SLC22A15: variants seen among roughly 807,000 people sequenced by gnomAD.
The protein encoded by SLC22A15 is solute carrier family 22 member 15, also known as flipt 1.
Under a neutral mutation model 62.7 loss-of-function variants are expected in SLC22A15, and 45 were observed. The observed-to-expected ratio is 0.72, with a 90% confidence interval of 0.56 to 0.92. SLC22A15 has a LOEUF of 0.92. Among genes scored for constraint, SLC22A15 ranks in the 40% least tolerant of loss-of-function variants. SLC22A15 has a pLI of 0.00. For synonymous variants in SLC22A15, 264 were observed against 267.0 expected, an observed-to-expected ratio of 0.99 and a Z score of 0.11; for missense variants, 622 against 665.6, an observed-to-expected ratio of 0.93 and a Z score of 0.72.
At chr1:116,029,143 A>C (rs573708045) in intron 5 of SLC22A15, among the ~76,000 whole-genome samples, 2 of 152,222 alleles carry the variant, frequency 1.3e-5, no homozygotes, top group Non-Finnish European at 2.9e-5. Context: ...ATGTTGGCAC[A>C]AAAACATTTG....
At chr1:116,012,339 C>T (rs959522590) in intron 2 of SLC22A15, among the ~76,000 whole-genome samples, 1 of 151,914 alleles carries the variant, frequency 6.6e-6, no homozygotes, top group African/African-American at 2.4e-5. Context: ...TTTGGTCTTC[C>T]TAATATTCAT....
At chr1:115,985,923 G>A (rs1234699142) in intron 1 of SLC22A15, among the ~76,000 whole-genome samples, 8 of 139,216 alleles carry the variant, frequency 5.7e-5, no homozygotes, top group African/African-American at 7.8e-5. Context: ...TCCAGCCTGC[G>A]TGACAGAGCG....
intron 1 of SLC22A15, among the ~76,000 whole-genome samples, chr1:115,990,544 C>T (rs939656806): frequency 2.0e-5 from 3 of 151,992 alleles, no homozygotes; most frequent in Non-Finnish European, 2.9e-5. Context: ...ACCTCCTATT[C>T]GAAAACTTCT....
chr1:116,026,775 T>C (rs549048111), intron 4 of SLC22A15, 118 bp from the exon 5 acceptor site: 4 of 1,220,400 alleles, frequency 3.3e-6, no homozygotes, highest in East Asian at 4.8e-5. Context: ...GTGCCTCTTA[T>C]AGTTGCCAGC....
At chr1:116,042,101 A>G (rs1357242493) in intron 8 of SLC22A15, among the ~76,000 whole-genome samples, 3 of 1,706 alleles carry the variant, frequency 1.8e-3, no homozygotes, top group African/African-American at 1.8e-3. Context: ...AACATTAACA[A>G]AAAAAAAAAA....
At chr1:116,060,643 C>T (rs1260630954) in intron 8 of SLC22A15, among the ~76,000 whole-genome samples, 1 of 152,186 alleles carries the variant, frequency 6.6e-6, no homozygotes, top group Non-Finnish European at 1.5e-5. Flanking sequence ...GGTTCAATGC[C>T]TCCCAATACC....
intron 8 of SLC22A15, among the ~76,000 whole-genome samples, chr1:116,058,896 A>T (rs1233274251): frequency 6.6e-6 from 1 of 152,204 alleles, no homozygotes; most frequent in Non-Finnish European, 1.5e-5. Flanking sequence ...TCTCACTGAT[A>T]TGTGGGAGCT....
chr1:116,026,087 G>T (rs1356467106), intron 4 of SLC22A15, among the ~76,000 whole-genome samples: 1 of 152,080 alleles, frequency 6.6e-6, no homozygotes, highest in Admixed American at 6.6e-5. Flanking sequence ...AGTAGAGAAG[G>T]CAGTAGGGAG....
chr1:116,014,390 C>T (rs114879215), intron 2 of SLC22A15, among the ~76,000 whole-genome samples: 3,663 of 152,216 alleles, frequency 0.024, 151 homozygotes, highest in African/African-American at 0.084. Flanking sequence ...TAGTGCTGTG[C>T]CCCTCAAATC....
At chr1:115,986,366 A>G (rs1380817399) in intron 1 of SLC22A15, among the ~76,000 whole-genome samples, 1 of 152,140 alleles carries the variant, frequency 6.6e-6, no homozygotes, top group African/African-American at 2.4e-5. Context: ...TTCCTTCAGG[A>G]GGTGACAAAT....
At chr1:115,994,013 G>A (rs1180175796) in intron 2 of SLC22A15, among the ~76,000 whole-genome samples, 1 of 152,060 alleles carries the variant, frequency 6.6e-6, no homozygotes, top group African/African-American at 2.4e-5. Flanking sequence ...AGTCTTCCCA[G>A]CCAACTCCCC....
At chr1:116,038,911 C>A (rs1248857726) in intron 8 of SLC22A15, among the ~76,000 whole-genome samples, 1 of 152,158 alleles carries the variant, frequency 6.6e-6, no homozygotes, top group Non-Finnish European at 1.5e-5. Flanking sequence ...TAATATCTTT[C>A]CTTCCCTCCC....
intron 8 of SLC22A15, chr1:116,037,638 T>C: frequency 2.7e-6 from 1 of 370,506 alleles, no homozygotes; most frequent in East Asian, 4.2e-5. Context: ...TGAGATGTAG[T>C]ATTGGTGATG....
chr1:116,000,959 T>G (rs1401930423), intron 2 of SLC22A15, among the ~76,000 whole-genome samples: 1 of 152,178 alleles, frequency 6.6e-6, no homozygotes, highest in East Asian at 1.9e-4. Flanking sequence ...TTATTGCTCA[T>G]TAATGTCCTT....
At chr1:116,010,031 G>A (rs1158998431) in intron 2 of SLC22A15, among the ~76,000 whole-genome samples, 1 of 152,080 alleles carries the variant, frequency 6.6e-6, no homozygotes. Flanking sequence ...CAAATAAAAG[G>A]TTAGGTGGAT....
intron 2 of SLC22A15, among the ~76,000 whole-genome samples, chr1:115,998,823 T>G (rs1207705147): frequency 2.0e-5 from 3 of 152,124 alleles, no homozygotes; most frequent in Non-Finnish European, 4.4e-5. Context: ...TTCTACTAAT[T>G]TTGGGTTTGG....
chr1:116,036,341 C>G (rs1303769708), intron 7 of SLC22A15, among the ~76,000 whole-genome samples: 1 of 152,124 alleles, frequency 6.6e-6, no homozygotes, highest in South Asian at 2.1e-4. Context: ...GTCTTTGTAT[C>G]CCTGGTGCTT....
chr1:115,995,622 G>C (rs971837190), intron 2 of SLC22A15, among the ~76,000 whole-genome samples: 1 of 152,108 alleles, frequency 6.6e-6, no homozygotes, highest in Admixed American at 6.5e-5. Context: ...CTGTAAACAA[G>C]AGCCCTTTCT....
At chr1:116,037,436 C>G in intron 8 of SLC22A15, 48 bp downstream of exon 8, 1 of 1,321,762 alleles carries the variant, frequency 7.6e-7, no homozygotes. Context: ...ACTTTCATTA[C>G]AATGAATCAT....
Sources: allele counts gnomAD v4.1 joint callset (sites outside exome capture counted in the v4.1 genomes callset), GRCh38; gene constraint gnomAD v4.1.1; transcripts MANE v1.5; gene names NCBI Gene and HGNC (gene_info 2026-07-23, HGNC 2026-07-21).